Variants in STK3 observed in about 807,000 individuals in gnomAD.
STK3 encodes serine/threonine-protein kinase 3.
In STK3, 41 loss-of-function variants were observed where a neutral mutation model predicts 58.0. The observed-to-expected ratio is 0.71, with a 90% CI of 0.55 to 0.92. The LOEUF is 0.92. STK3 is among the 40% of genes least tolerant of loss of function. The pLI, the probability that STK3 is intolerant of heterozygous loss-of-function variation, is 0.00. For synonymous variants in STK3, 170 were observed against 191.0 expected (o/e 0.89, Z 0.91); for missense variants, 479 against 602.7 (o/e 0.79, Z 2.15).
chr8:98,547,103 T>C (rs549308264), intron 9 of STK3, among the ~76,000 whole-genome samples: 1 of 152,310 alleles, frequency 6.6e-6, no homozygotes, highest in East Asian at 1.9e-4. Flanking sequence ...TCTACAATGC[T>C]AGAAGTCATG....
chr8:98,640,426 A>G (rs551188008), intron 6 of STK3, among the ~76,000 whole-genome samples: 1 of 152,272 alleles, frequency 6.6e-6, no homozygotes, highest in South Asian at 2.1e-4. Context: ...ATTCTTTTGT[A>G]GTTCTGTAAT....
intron 8 of STK3, among the ~76,000 whole-genome samples, chr8:98,550,904 A>G (rs1811114838): frequency 6.6e-6 from 1 of 152,202 alleles, no homozygotes; most frequent in African/African-American, 2.4e-5. Context: ...TACTATTTCT[A>G]TCATTCTAAT....
At chr8:98,534,377 C>T (rs1435130634) in intron 9 of STK3, among the ~76,000 whole-genome samples, 1 of 152,108 alleles carries the variant, frequency 6.6e-6, no homozygotes, top group Non-Finnish European at 1.5e-5. Context: ...ATCTCACATT[C>T]AAAGCTCATG....
At chr8:98,502,355 G>T (rs1174363627) in intron 10 of STK3, among the ~76,000 whole-genome samples, 1 of 151,666 alleles carries the variant, frequency 6.6e-6, no homozygotes, top group Non-Finnish European at 1.5e-5. Flanking sequence ...CTGCAAACAG[G>T]GACAATTTGA....
intron 6 of STK3, among the ~76,000 whole-genome samples, chr8:98,668,023 G>C (rs1822500826): frequency 6.6e-6 from 1 of 152,078 alleles, no homozygotes; most frequent in Non-Finnish European, 1.5e-5. Context: ...GTTTAATACA[G>C]TTTCAGTGAC....
At chr8:98,760,708 T>C (rs1230476094) in intron 3 of STK3, among the ~76,000 whole-genome samples, 4 of 138,760 alleles carry the variant, frequency 2.9e-5, no homozygotes, top group African/African-American at 1.0e-4. Flanking sequence ...CTTGTTCTCG[T>C]TTTCTTTTTT....
chr8:98,585,865 A>G (rs1814513777), intron 7 of STK3, among the ~76,000 whole-genome samples: 1 of 151,214 alleles, frequency 6.6e-6, no homozygotes, highest in African/African-American at 2.4e-5. Context: ...GCAATTGTGA[A>G]TGGGAGTTCA....
At chr8:98,772,628 G>A (rs1831389425) in intron 2 of STK3, among the ~76,000 whole-genome samples, 2 of 152,142 alleles carry the variant, frequency 1.3e-5, no homozygotes, top group African/African-American at 4.8e-5. Context: ...GAACCCGGGA[G>A]AAGGATGCAG....
At chr8:98,770,957 C>G (rs1195531282) in intron 2 of STK3, among the ~76,000 whole-genome samples, 3 of 152,046 alleles carry the variant, frequency 2.0e-5, no homozygotes, top group African/African-American at 7.3e-5. Context: ...AATTAACTGT[C>G]CTTTAAACAC....
chr8:98,402,430 T>C (rs1268853646), intron 3 of STK3, among the ~76,000 whole-genome samples: 1 of 152,148 alleles, frequency 6.6e-6, no homozygotes, highest in Non-Finnish European at 1.5e-5. Context: ...GGAGTCTGTG[T>C]TTGGCTCATT....
chr8:98,587,938 T>C (rs1236351910), intron 7 of STK3, among the ~76,000 whole-genome samples: 1 of 152,198 alleles, frequency 6.6e-6, no homozygotes, highest in East Asian at 1.9e-4. Context: ...TTTTTTTGTT[T>C]TCCATTTGCT....
chr8:98,539,818 A>T (rs556145515), intron 9 of STK3, among the ~76,000 whole-genome samples: 19 of 151,940 alleles, frequency 1.3e-4, no homozygotes, highest in African/African-American at 3.9e-4. Context: ...CTGTTGCGGG[A>T]TCTCAGCTCA....
At chr8:98,903,557 C>CTTT (rs1200563228) in intron 1 of STK3, among the ~76,000 whole-genome samples, 15 of 9,934 alleles carry the variant, frequency 1.5e-3, no homozygotes, top group African/African-American at 2.1e-3. Flanking sequence ...CTTCTTCTTC[C>CTTT]TTTTTTTTTT....
intron 6 of STK3, among the ~76,000 whole-genome samples, chr8:98,644,487 T>C (rs1820255971): frequency 6.6e-6 from 1 of 152,200 alleles, no homozygotes; most frequent in African/African-American, 2.4e-5. Context: ...GAAAATTGAT[T>C]TCCTTATGTT....
intron 4 of STK3, among the ~76,000 whole-genome samples, chr8:98,731,343 C>A (rs1183293604): frequency 2.0e-5 from 3 of 152,064 alleles, no homozygotes; most frequent in Non-Finnish European, 2.9e-5. Context: ...CCCAGTCTGC[C>A]CCTGCTCCCA....
At chr8:98,665,080 A>C (rs182524824) in intron 6 of STK3, among the ~76,000 whole-genome samples, 1 of 152,248 alleles carries the variant, frequency 6.6e-6, no homozygotes, top group African/African-American at 2.4e-5. Context: ...AGAAAGAATG[A>C]AAAGTGTAAG....
rs111789845 is a variant in STK3 at position 98,462,262 on chromosome 8, C to T, written c.1318-6262G>A. ...GTGCAGTGGTGTGATCTCGGCTCAC[C>T]GCAACTGATGAGAAAGCAAAAAATG... On this transcript the variant is annotated intron_variant, in intron 10 of 10. Transcript: ENST00000419617. 3.3e-3 allele frequency among the ~76,000 whole-genome samples: 505 copies of T among 151,684 alleles called. 3 individuals are homozygous for T. Among genetic ancestry groups the T allele is most frequent in the African/African-American group, 0.011 (473 of 41,336 alleles).
chr8:98,726,738 C>G (rs577094858), intron 4 of STK3, among the ~76,000 whole-genome samples: 1 of 152,238 alleles, frequency 6.6e-6, no homozygotes, highest in Non-Finnish European at 1.5e-5. Context: ...AACCATGGGT[C>G]TTTCCACTGA....
At chr8:98,524,694 C>T (rs903777868) in intron 10 of STK3, among the ~76,000 whole-genome samples, 58 of 152,238 alleles carry the variant, frequency 3.8e-4, no homozygotes, top group African/African-American at 1.3e-3. Flanking sequence ...ACTACTGCCA[C>T]ATACAAACTC....
Sources: allele counts gnomAD v4.1 joint callset (sites outside exome capture counted in the v4.1 genomes callset), GRCh38; gene constraint gnomAD v4.1.1; transcripts MANE v1.5; gene names NCBI Gene and HGNC (gene_info 2026-07-23, HGNC 2026-07-21).